UBP1: variants seen among roughly 807,000 people sequenced by gnomAD.
UBP1 encodes the protein upstream binding protein 1, also known as upstream-binding protein 1.
Under a neutral mutation model 76.1 loss-of-function variants are expected in UBP1, and 22 were observed. That is an observed-to-expected ratio of 0.29 (90% CI 0.21 to 0.41). The LOEUF (loss-of-function observed/expected upper bound fraction) is 0.41, where lower values mean the gene tolerates loss of function less well. Ranked by LOEUF, UBP1 falls within the 10% of genes least tolerant of loss-of-function variation. UBP1 has a pLI of 1.00. For synonymous variants in UBP1, 224 were observed against 237.1 expected (o/e 0.94, Z 0.51); for missense variants, 436 against 668.1 (o/e 0.65, Z 3.83).
intron 4 of UBP1, among the ~76,000 whole-genome samples, chr3:33,412,212 A>G (rs981217360): frequency 1.8e-4 from 27 of 150,246 alleles, no homozygotes; most frequent in African/African-American, 6.1e-4. Flanking sequence ...AAAAAGATAG[A>G]TGGTTTACAA....
chr3:33,436,066 A>G (rs940402524), intron 1 of UBP1, among the ~76,000 whole-genome samples: 4 of 152,242 alleles, frequency 2.6e-5, no homozygotes, highest in African/African-American at 9.6e-5. Flanking sequence ...ATCTTGTACT[A>G]ACTTAATACT....
At chr3:33,420,910 A>G (rs1196347503) in intron 2 of UBP1, among the ~76,000 whole-genome samples, 1 of 152,138 alleles carries the variant, frequency 6.6e-6, no homozygotes, top group East Asian at 1.9e-4. Context: ...AGGTGGGTTA[A>G]TTAACATTCT....
At chr3:33,431,005 G>T (rs3897909) in intron 1 of UBP1, among the ~76,000 whole-genome samples, 27,625 of 151,788 alleles carry the variant, frequency 0.18, 3,185 homozygotes, top group East Asian at 0.47. Context: ...AGAAATAAAA[G>T]AAAAGCCTGA....
chr3:33,429,370 A>G (rs530821485), intron 1 of UBP1, among the ~76,000 whole-genome samples: 6 of 151,490 alleles, frequency 4.0e-5, no homozygotes, highest in Non-Finnish European at 7.4e-5. Context: ...TTTTTTTAAG[A>G]CAGGGTCTGG....
intron 3 of UBP1, among the ~76,000 whole-genome samples, chr3:33,413,850 A>C (rs2044660767): frequency 6.6e-6 from 1 of 152,166 alleles, no homozygotes. Flanking sequence ...ACCAGAGCAA[A>C]GCTCTCATAG....
intron 15 of UBP1, chr3:33,392,352 A>AT (rs375416166): frequency 8.6e-4 from 401 of 467,746 alleles, no homozygotes; most frequent in South Asian, 1.1e-3. Context: ...ATGAATTGAG[A>AT]TTTTTTTTTC....
intron 11 of UBP1, among the ~76,000 whole-genome samples, chr3:33,399,033 T>C (rs897635997): frequency 9.2e-5 from 14 of 152,264 alleles, no homozygotes; most frequent in African/African-American, 3.1e-4. Flanking sequence ...ATACGTGGCA[T>C]AGTAAGAAAC....
chr3:33,400,963 T>A lies in UBP1; in HGVS notation c.1085A>T (p.Glu362Val). ...TAGTTTTAGGAGAAAGATACTTACTTCACCAGAGGTCTGTGAAGCTCCATC... is the reference window on the plus strand; with the variant it reads ...TAGTTTTAGGAGAAAGATACTTACTACACCAGAGGTCTGTGAAGCTCCATC... ...QGDGASQTSG[E>V]QIQPSATIQE... Residue 362 changes from glutamate (E) to valine (V), a missense_variant and splice_region_variant, in exon 10 of 16, where the codon GAA becomes GTA. By Grantham distance (121) the Glu-to-Val change is moderately radical (BLOSUM62 -2). This residue lies in a region of UBP1 where 210 missense variants were observed against 272.8 expected (regional missense o/e 0.77). Coordinates refer to ENST00000283629, the MANE Select transcript of UBP1 (RefSeq NM_014517.5). 6.3e-7 allele frequency: 1 copy of A among 1,593,546 alleles called. No individual in the cohort carries two copies. Among genetic ancestry groups the A allele is most frequent in the South Asian group, 1.2e-5 (1 of 86,264 alleles).
At chr3:33,409,094 T>C (rs2044504891) in intron 7 of UBP1, 142 bp downstream of exon 7, 1 of 830,314 alleles carries the variant, frequency 1.2e-6, no homozygotes, top group Admixed American at 2.8e-5. Flanking sequence ...ATTTAAATAT[T>C]TTCCCCAGAA....
chr3:33,430,758 C>T (rs1044598103), intron 1 of UBP1, among the ~76,000 whole-genome samples: 6 of 152,206 alleles, frequency 3.9e-5, no homozygotes, highest in South Asian at 2.1e-4. Context: ...AATGCAGCTG[C>T]GGAAAATTTC....
chr3:33,434,629 A>G (rs2045174234), intron 1 of UBP1, among the ~76,000 whole-genome samples: 1 of 149,720 alleles, frequency 6.7e-6, no homozygotes. Context: ...ATGGCCTAAG[A>G]GCTAAATCCA....
chr3:33,418,845 A>T (rs2044803946), intron 2 of UBP1, among the ~76,000 whole-genome samples: 1 of 144,226 alleles, frequency 6.9e-6, no homozygotes, highest in Non-Finnish European at 1.5e-5. Context: ...GGCAACAAGA[A>T]CGAAACTCTG....
chr3:33,411,698 A>C lies in UBP1; in HGVS notation c.449-11T>G. 1 of 1,605,356 alleles carries C rather than the reference A, an allele frequency of 6.2e-7. No individual in the cohort carries two copies. Among genetic ancestry groups the C allele is most frequent in the Non-Finnish European group, 8.5e-7 (1 of 1,172,354 alleles). The stretch of plus-strand genomic sequence containing the variant: ...CAGACATTGGAATATCTATGTTTTA[A>C]AAAGAAGTTACATAAAAACATCCAC... On this transcript the variant is annotated splice_polypyrimidine_tract_variant and intron_variant, in intron 4 of 15. Coordinates refer to ENST00000283629, the MANE Select transcript of UBP1 (RefSeq NM_014517.5).
At chr3:33,400,361 G>C (rs1328930494) in intron 10 of UBP1, 79 bp from the exon 11 acceptor site, 19 of 1,164,360 alleles carry the variant, frequency 1.6e-5, no homozygotes, top group Non-Finnish European at 2.3e-5. Flanking sequence ...GAAAGCCTCG[G>C]AGTCTGAAGT....
At chr3:33,423,340 A>G (rs74512492) in intron 2 of UBP1, among the ~76,000 whole-genome samples, 1 of 149,686 alleles carries the variant, frequency 6.7e-6, no homozygotes, top group East Asian at 2.0e-4. Flanking sequence ...TGCCCGGCCC[A>G]TATTTTTTAA....
At chr3:33,437,088 CA>C (rs1553680961) in intron 1 of UBP1, among the ~76,000 whole-genome samples, 1 of 152,038 alleles carries the variant, frequency 6.6e-6, no homozygotes, top group Non-Finnish European at 1.5e-5. Flanking sequence ...AAAACAACAA[CA>C]AAAAAGTATA....
intron 11 of UBP1, among the ~76,000 whole-genome samples, chr3:33,398,634 T>C (rs1314277659): frequency 6.6e-6 from 1 of 152,198 alleles, no homozygotes; most frequent in Non-Finnish European, 1.5e-5. Context: ...GGCTAGCTCC[T>C]CGCCCACTTT....
chr3:33,430,879 T>C (rs554500999), intron 1 of UBP1, among the ~76,000 whole-genome samples: 1 of 152,112 alleles, frequency 6.6e-6, no homozygotes, highest in South Asian at 2.1e-4. Flanking sequence ...ACTAAATCCC[T>C]CTCTGCTTGA....
intron 7 of UBP1, 148 bp downstream of exon 7, chr3:33,409,088 A>G: frequency 1.2e-6 from 1 of 800,514 alleles, no homozygotes; most frequent in Non-Finnish European, 2.0e-6. Flanking sequence ...CCCCAAATTT[A>G]AATATTTTCC....
Sources: allele counts gnomAD v4.1 joint callset (sites outside exome capture counted in the v4.1 genomes callset), GRCh38; gene constraint gnomAD v4.1.1; regional missense constraint gnomAD v4.1.1; transcripts MANE v1.5; gene names NCBI Gene and HGNC (gene_info 2026-07-23, HGNC 2026-07-21).